The following NOX4 variants were observed in gnomAD, a reference collection of about 807,000 sequenced individuals.
NOX4 encodes the protein NADPH oxidase 4.
In NOX4, 69 loss-of-function variants were observed where a neutral mutation model predicts 87.6. The ratio of observed to expected loss-of-function variants is 0.79; its 90% confidence interval spans 0.65 to 0.96. The LOEUF (loss-of-function observed/expected upper bound fraction) is 0.96, where lower values mean the gene tolerates loss of function less well. Ranked by LOEUF, NOX4 falls within the 40% of genes least tolerant of loss-of-function variation. The pLI is 0.00. For missense variants in NOX4, 680 were observed against 681.5 expected (o/e 1.00, Z 0.02); for synonymous variants, 275 against 238.2 (o/e 1.15, Z -1.42).
At chr11:89,536,135 T>TG in the NOX4 span, among the ~76,000 whole-genome samples, 1 of 141,752 alleles carries the variant, frequency 7.1e-6, no homozygotes, top group Non-Finnish European at 1.5e-5. Flanking sequence ...ATCTGGTCCT[T>TG]TTCTTTTTTT....
At chr11:89,427,696 C>T (rs76493360) in intron 7 of NOX4, among the ~76,000 whole-genome samples, 1 of 152,224 alleles carries the variant, frequency 6.6e-6, no homozygotes, top group East Asian at 1.9e-4. Context: ...ATGAACAAAG[C>T]CTCCAAGAAT....
At position 89,414,088 on chromosome 11, in the gene NOX4, C is replaced by T. The variant is rs1052195036; in HGVS notation, c.629+7814G>A. On this transcript the variant is annotated intron_variant, in intron 8 of 17. Coordinates refer to ENST00000263317, the MANE Select transcript of NOX4 (RefSeq NM_016931.5). ...AATTATTTTTCTTTATTGCACAAATCAGGAAGCTCTATAAAAAACTGATTT... is the reference window on the plus strand; with the variant it reads ...AATTATTTTTCTTTATTGCACAAATTAGGAAGCTCTATAAAAAACTGATTT... Among the ~76,000 whole-genome samples, 5 of 151,938 alleles carry T rather than the reference C, an allele frequency of 3.3e-5. No individual in the cohort carries two copies. The East Asian group carries it at 9.7e-4, about 29-fold the overall frequency.
intron 1 of NOX4, chr11:89,490,873 C>T (rs1946822961): frequency 1.4e-6 from 1 of 701,168 alleles, no homozygotes; most frequent in Non-Finnish European, 2.6e-6. Context: ...CAGAAGTAAT[C>T]TGGGAAAAGA....
chr11:89,518,072 T>A, the NOX4 span, among the ~76,000 whole-genome samples: 1 of 151,912 alleles, frequency 6.6e-6, no homozygotes, highest in African/African-American at 2.4e-5. Flanking sequence ...CCCAAAATAA[T>A]GAAGATTAAA....
the NOX4 span, among the ~76,000 whole-genome samples, chr11:89,584,070 A>T: frequency 1.3e-5 from 2 of 152,132 alleles, no homozygotes; most frequent in Non-Finnish European, 2.9e-5. Flanking sequence ...AGCCAAACAC[A>T]GTCTCTCCTC....
intron 8 of NOX4, among the ~76,000 whole-genome samples, chr11:89,408,548 AC>A (rs1408762205): frequency 6.6e-6 from 1 of 152,058 alleles, no homozygotes; most frequent in Non-Finnish European, 1.5e-5. Flanking sequence ...CTGGGTACCC[AC>A]CCTACCAAAG....
chr11:89,490,692 TAACC>T (rs1260437505), intron 1 of NOX4, 139 bp from the exon 2 acceptor site: 1 of 727,270 alleles, frequency 1.4e-6, no homozygotes, highest in Admixed American at 2.0e-5. Flanking sequence ...CATTTTCAAT[TAACC>T]AGCAAGCTGA....
At chr11:89,345,632 T>A (rs1385039389) in intron 13 of NOX4, among the ~76,000 whole-genome samples, 1 of 152,196 alleles carries the variant, frequency 6.6e-6, no homozygotes, top group African/African-American at 2.4e-5. Context: ...TCCATCTTCA[T>A]GTCTACGTGT....
intron 2 of NOX4, among the ~76,000 whole-genome samples, chr11:89,477,762 T>C (rs1320807481): frequency 2.3e-5 from 3 of 128,034 alleles, no homozygotes; most frequent in Non-Finnish European, 4.7e-5. Context: ...TATCAATTTA[T>C]GAGCTGCTTG....
intron 6 of NOX4, among the ~76,000 whole-genome samples, chr11:89,438,895 TTA>T (rs529991473): frequency 0.061 from 1,578 of 25,830 alleles, 76 homozygotes; most frequent in African/African-American, 0.2. Context: ...ATATTATATA[TTA>T]TATATATAAT....
chr11:89,361,278 A>G (rs1938499410), intron 12 of NOX4, among the ~76,000 whole-genome samples: 1 of 152,148 alleles, frequency 6.6e-6, no homozygotes, highest in South Asian at 2.1e-4. Flanking sequence ...CATAAAAAGG[A>G]ACAAAATAAT....
the NOX4 span, among the ~76,000 whole-genome samples, chr11:89,566,043 C>CTTTTTTT: frequency 1.6e-5 from 2 of 122,862 alleles, no homozygotes; most frequent in African/African-American, 3.2e-5. Flanking sequence ...TTCTTTTTTT[C>CTTTTTTT]TTTTTTTTTT....
chr11:89,586,637 C>T, the NOX4 span, among the ~76,000 whole-genome samples: 1 of 152,282 alleles, frequency 6.6e-6, no homozygotes, highest in South Asian at 2.1e-4. Flanking sequence ...TGCATACAAT[C>T]ATCCTTCATA....
chr11:89,344,432 C>T (rs1329876734), intron 13 of NOX4, among the ~76,000 whole-genome samples: 2 of 152,080 alleles, frequency 1.3e-5, no homozygotes, highest in Non-Finnish European at 2.9e-5. Flanking sequence ...TGCTTGTAAT[C>T]CCAGGTACTA....
At chr11:89,360,145 C>T (rs1938407440) in intron 12 of NOX4, among the ~76,000 whole-genome samples, 1 of 151,876 alleles carries the variant, frequency 6.6e-6, no homozygotes, top group Non-Finnish European at 1.5e-5. Context: ...ATGAATGCAC[C>T]ATAATATCGA....
chr11:89,345,386 T>C (rs189885650), intron 13 of NOX4, among the ~76,000 whole-genome samples: 2 of 152,214 alleles, frequency 1.3e-5, no homozygotes, highest in East Asian at 1.9e-4. Context: ...ATGTATTCAA[T>C]AGAGACTGTA....
At chr11:89,479,147 C>G (rs1223768314) in intron 2 of NOX4, among the ~76,000 whole-genome samples, 1 of 152,166 alleles carries the variant, frequency 6.6e-6, no homozygotes. Context: ...GATCTTCACC[C>G]TCCTTGAAGT....
chr11:89,452,262 T>G (rs1052189335), intron 2 of NOX4, among the ~76,000 whole-genome samples: 28 of 152,338 alleles, frequency 1.8e-4, no homozygotes, highest in African/African-American at 6.3e-4. Flanking sequence ...TGTTGGACCC[T>G]TTATTCACTG....
chr11:89,378,533 T>A (rs1482053206), intron 11 of NOX4, among the ~76,000 whole-genome samples: 1 of 152,124 alleles, frequency 6.6e-6, no homozygotes, highest in Admixed American at 6.6e-5. Context: ...TGTCTTGAGA[T>A]CAAGAACTAT....
Sources: gnomAD v4.1 joint callset for allele counts (sites outside exome capture counted in the v4.1 genomes callset) on GRCh38, gnomAD v4.1.1 for gene constraint, MANE v1.5 for transcripts, NCBI Gene and HGNC (gene_info 2026-07-23, HGNC 2026-07-21) for gene names.